The following ZMIZ1 variants were observed in gnomAD, a reference collection of about 807,000 sequenced individuals.
The protein encoded by ZMIZ1 is zinc finger MIZ domain-containing protein 1.
ZMIZ1 carries 17 observed loss-of-function variants against 113.9 expected under a neutral mutation model. The ratio of observed to expected loss-of-function variants is 0.15; its 90% confidence interval spans 0.10 to 0.22. The LOEUF is 0.22. Ranked by LOEUF, ZMIZ1 falls within the 10% of genes least tolerant of loss-of-function variation. The pLI is 1.00. For synonymous variants in ZMIZ1, 607 were observed against 603.1 expected, an observed-to-expected ratio of 1.01 and a Z score of -0.09; for missense variants, 1,059 against 1,477.8, an observed-to-expected ratio of 0.72 and a Z score of 4.65.
chr10:79,275,328 G>A (rs1359273266), intron 7 of ZMIZ1, among the ~76,000 whole-genome samples: 1 of 152,202 alleles, frequency 6.6e-6, no homozygotes, highest in East Asian at 1.9e-4. Context: ...CACGGAGGGG[G>A]GCAGGACACA....
intron 3 of ZMIZ1, among the ~76,000 whole-genome samples, chr10:79,150,515 C>G (rs993509707): frequency 1.3e-5 from 2 of 152,214 alleles, no homozygotes; most frequent in African/African-American, 4.8e-5. Flanking sequence ...CACAGTGGGA[C>G]TAGGCCTGGG....
intron 14 of ZMIZ1, 93 bp downstream of exon 14, chr10:79,297,783 C>T: frequency 8.9e-7 from 1 of 1,127,386 alleles, no homozygotes; most frequent in Middle Eastern, 2.0e-4. Flanking sequence ...TCTGGACATT[C>T]AAAGGGGCCC....
chr10:79,231,828 T>C (rs1447653007), intron 7 of ZMIZ1, among the ~76,000 whole-genome samples: 1 of 152,244 alleles, frequency 6.6e-6, no homozygotes, highest in Non-Finnish European at 1.5e-5. Context: ...TCCACCTGCC[T>C]CAGCCTCCCA....
chr10:79,242,573 C>A (rs1849898044), intron 7 of ZMIZ1, among the ~76,000 whole-genome samples: 1 of 147,732 alleles, frequency 6.8e-6, no homozygotes, highest in East Asian at 2.0e-4. Context: ...TCCCCCCGGC[C>A]GAGGCCCCCT....
chr10:79,169,373 G>A (rs703991), intron 4 of ZMIZ1, among the ~76,000 whole-genome samples: 130,698 of 152,274 alleles, frequency 0.86, 56,608 homozygotes, highest in African/African-American at 0.96. Flanking sequence ...CAGCTCCAGC[G>A]TGGTCAAGGA....
At position 79,298,532 on chromosome 10, in the gene ZMIZ1, T is replaced by C. The variant is rs1450267734; in HGVS notation, c.1618T>C (p.Phe540Leu). The C allele has an allele frequency of 1.2e-6, 2 of 1,601,538 alleles. No individual in the cohort carries two copies. Among genetic ancestry groups the C allele is most frequent in the South Asian group, 2.2e-5 (2 of 90,110 alleles). The change falls in exon 15 of 25, where the codon TTC (phenylalanine) becomes CTC (leucine). Residue 540 changes from phenylalanine (F) to leucine (L), a missense_variant. Transcript: ENST00000334512. ...LSPSQDVKPP[F>L]PPDIKPNMSA... ...CCCCAGCCAAGACGTCAAACCACCC[T>C]TCCCGCCTGACATCAAGCCAAATAT...
chr10:79,119,867 G>A (rs59490521), intron 2 of ZMIZ1, among the ~76,000 whole-genome samples: 1,728 of 152,196 alleles, frequency 0.011, 30 homozygotes, highest in African/African-American at 0.04. Context: ...CTTTCCCTCC[G>A]CCCCTCAAGT....
intron 8 of ZMIZ1, among the ~76,000 whole-genome samples, chr10:79,280,133 A>C (rs1456620145): frequency 6.6e-6 from 1 of 151,856 alleles, no homozygotes; most frequent in Admixed American, 6.6e-5. Flanking sequence ...GACCACAGGC[A>C]TTCACCACCA....
chr10:79,202,445 T>A (rs1378104658), intron 5 of ZMIZ1, among the ~76,000 whole-genome samples: 1 of 150,734 alleles, frequency 6.6e-6, no homozygotes, highest in East Asian at 1.9e-4. Flanking sequence ...CTGTATTTTT[T>A]AAAAAAAGAA....
intron 1 of ZMIZ1, among the ~76,000 whole-genome samples, chr10:79,070,406 C>T (rs2132141086): frequency 6.6e-6 from 1 of 150,550 alleles, no homozygotes; most frequent in South Asian, 2.1e-4. Context: ...CAGATTTTCA[C>T]GGGAGACTGC....
rs1853871624 is a variant in ZMIZ1, at chr10:79,296,088, GT to G, written c.1231-381del. The G allele has an allele frequency of 2.0e-5, 5 of 244,302 alleles. No homozygotes were observed. The South Asian group carries it at 2.5e-4, about 12-fold the overall frequency. The allele number at this position is 244,302 out of a possible 1,614,324, so 15.1% of individuals were successfully genotyped here. A position where few individuals can be genotyped will look rare whatever the true frequency, so the allele number is the denominator to read the frequency against. On this transcript the variant is annotated intron_variant, in intron 12 of 24. Transcript: ENST00000334512. The surrounding 1 kb of genome is among the most constrained non-coding windows in gnomAD (Gnocchi z 4.1). ...TCTGGAATTGCATCCTGTTGACTGT[GT>G]TCCTCTGTCACATTGGGGTACACAT...
At chr10:79,218,505 C>A (rs58590266) in intron 7 of ZMIZ1, among the ~76,000 whole-genome samples, 6,595 of 150,314 alleles carry the variant, frequency 0.044, 344 homozygotes, top group African/African-American at 0.12. Context: ...GAAACAACAA[C>A]AAAAAAACCT....
intron 24 of ZMIZ1, among the ~76,000 whole-genome samples, chr10:79,311,994 A>T (rs1855204915): frequency 6.6e-6 from 1 of 152,116 alleles, no homozygotes; most frequent in South Asian, 2.1e-4. Flanking sequence ...GGACTCACTC[A>T]CTGTGCAGCC....
chr10:79,126,363 G>T (rs1258984567), intron 2 of ZMIZ1, among the ~76,000 whole-genome samples: 1 of 152,154 alleles, frequency 6.6e-6, no homozygotes, highest in Non-Finnish European at 1.5e-5. Flanking sequence ...CAACCATCTG[G>T]GAGGCTGCTG....
At chr10:79,202,472 C>T (rs1192151193) in intron 5 of ZMIZ1, among the ~76,000 whole-genome samples, 3 of 151,948 alleles carry the variant, frequency 2.0e-5, no homozygotes, top group Non-Finnish European at 4.4e-5. Flanking sequence ...AGCCACAAGA[C>T]AAGAGGTCCT....
intron 3 of ZMIZ1, among the ~76,000 whole-genome samples, chr10:79,145,822 TC>T (rs1258522992): frequency 6.6e-6 from 1 of 152,200 alleles, no homozygotes; most frequent in East Asian, 1.9e-4. Context: ...CCCTCCCACC[TC>T]AGCCTTCTGA....
chr10:79,139,136 G>A (rs1845148842), intron 2 of ZMIZ1, among the ~76,000 whole-genome samples: 1 of 152,148 alleles, frequency 6.6e-6, no homozygotes. Flanking sequence ...CCCGAGGTGC[G>A]TACACACATA....
chr10:79,267,026 G>A (rs941382126), intron 7 of ZMIZ1, among the ~76,000 whole-genome samples: 1 of 152,244 alleles, frequency 6.6e-6, no homozygotes, highest in Non-Finnish European at 1.5e-5. Context: ...GCCTCCTATT[G>A]TGGAGAGGAC....
intron 6 of ZMIZ1, among the ~76,000 whole-genome samples, chr10:79,214,843 T>C (rs940979329): frequency 6.6e-6 from 1 of 152,224 alleles, no homozygotes; most frequent in African/African-American, 2.4e-5. Context: ...CTGCTGTTCA[T>C]GAGGAAGGCG....
Sources: gnomAD v4.1 joint callset for allele counts (sites outside exome capture counted in the v4.1 genomes callset) on GRCh38, gnomAD v4.1.1 for gene constraint, Gnocchi (gnomAD v3.1) non-coding constraint, MANE v1.5 for transcripts, NCBI Gene and HGNC (gene_info 2026-07-23, HGNC 2026-07-21) for gene names.